Variants in CIT observed in about 807,000 individuals in gnomAD.
CIT encodes the protein citron Rho-interacting kinase.
A neutral mutation model predicts 272.7 loss-of-function variants in CIT; 79 were observed. The ratio of observed to expected loss-of-function variants is 0.29; its 90% CI spans 0.24 to 0.35. The LOEUF (loss-of-function observed/expected upper bound fraction) is 0.35. CIT is among the 10% of genes least tolerant of loss of function. CIT has a pLI of 1.00. For synonymous variants in CIT, 948 were observed against 995.6 expected (o/e 0.95, Z 0.90); for missense variants, 1,909 against 2,618.3 (o/e 0.73, Z 5.91).
chr12:119,810,198 A>C lies in CIT; in HGVS notation c.1112-6809T>G, dbSNP rs186104419. Among the ~76,000 whole-genome samples, 5 of 152,130 alleles carry C rather than the reference A, an allele frequency of 3.3e-5. No homozygotes were observed. The East Asian group carries it at 9.7e-4, about 29-fold the overall frequency. ...AGAGGGGACATTCTTGGGGACTGAGACCTCCACCTGTGGGATTGAGCCCTA... is the reference window on the plus strand; with the variant it reads ...AGAGGGGACATTCTTGGGGACTGAGCCCTCCACCTGTGGGATTGAGCCCTA... On this transcript the variant is annotated intron_variant, in intron 9 of 47. Transcript: ENST00000392521.
chr12:119,784,421 A>G lies in CIT; in HGVS notation c.1402-370T>C. 8.2e-7 allele frequency: 1 copy of G among 1,217,716 alleles called. No individual in the cohort carries two copies. The highest frequency in any genetic ancestry group is 1.0e-6 in the Non-Finnish European group (1 of 960,330). 75.4% of individuals were successfully genotyped at this position (1,217,716 alleles called of 1,614,324 possible). ...TTGATCCCCCCCCATCTCCTTGCAA[A>G]GATCTAGAGGACAAATCCAGGACAG... is the stretch of plus-strand genomic sequence containing the variant. On this transcript the variant is annotated intron_variant, in intron 11 of 47. Transcript: ENST00000392521. The surrounding 1 kb of genome is among the most constrained non-coding windows in gnomAD (Gnocchi z 4.7).
chr12:119,730,985 G>A (rs1207228290), intron 26 of CIT, among the ~76,000 whole-genome samples: 4 of 151,614 alleles, frequency 2.6e-5, no homozygotes, highest in African/African-American at 9.7e-5. Flanking sequence ...AAATTAGCTG[G>A]GTGTGGTGGC....
Position 119,713,407 on chromosome 12 carries a change from A to C in CIT, c.4487+61T>G. On this transcript the variant is annotated intron_variant, in intron 34 of 47. Transcript: ENST00000392521. This position sits in a 1 kb window ranked among gnomAD's most constrained non-coding sequence, Gnocchi z 5.2. ...TAGAAAAGACACTTCCCTAGAAAAC[A>C]TCAGGGACAGAGTGGCTTGTGCCAG... is the stretch of plus-strand genomic sequence containing the variant. 1 of 1,594,748 alleles carries C rather than the reference A, an allele frequency of 6.3e-7. No homozygotes were observed. The highest frequency in any genetic ancestry group is 8.6e-7 in the Non-Finnish European group (1 of 1,165,444).
Position 119,859,511 on chromosome 12 carries a change from GT to G in CIT, c.239-1814del, listed in dbSNP as rs767222425. 7.4e-5 allele frequency among the ~76,000 whole-genome samples: 11 copies of G among 149,392 alleles called. No individual in the cohort carries two copies. In the East Asian group the frequency reaches 9.8e-4, roughly 13 times the overall value. On this transcript the variant is annotated intron_variant, in intron 3 of 47. Transcript: ENST00000392521. ...CAATGTCATTTTTTTCATTTTCTTA[GT>G]TTTTTTTTTAAGAGACACAAATGGC... is the stretch of plus-strand genomic sequence containing the variant.
intron 13 of CIT, among the ~76,000 whole-genome samples, chr12:119,777,686 A>AC (rs397742592): frequency 2.0e-5 from 3 of 150,116 alleles, no homozygotes; most frequent in East Asian, 3.9e-4. Context: ...ACAAAAAAAA[A>AC]CAAAAAAAAA....
intron 9 of CIT, among the ~76,000 whole-genome samples, chr12:119,812,121 T>C (rs1034619101): frequency 2.0e-5 from 3 of 151,934 alleles, no homozygotes; most frequent in African/African-American, 7.3e-5. Flanking sequence ...ACTTTTTTTG[T>C]ATTTTTAGTA....
At chr12:119,731,475 CAAAA>C (rs34429031) in intron 26 of CIT, among the ~76,000 whole-genome samples, 3 of 108,034 alleles carry the variant, frequency 2.8e-5, no homozygotes, top group Admixed American at 9.4e-5. Flanking sequence ...ACTCCATTCT[CAAAA>C]AAAAAAAAAA....
At chr12:119,752,923 C>T (rs993429033) in intron 22 of CIT, among the ~76,000 whole-genome samples, 12 of 152,128 alleles carry the variant, frequency 7.9e-5, no homozygotes, top group African/African-American at 1.4e-4. Context: ...TCAAGTGCAA[C>T]GGTCAGGACA....
At chr12:119,858,738 C>T (rs984908536) in intron 3 of CIT, among the ~76,000 whole-genome samples, 165 of 151,698 alleles carry the variant, frequency 1.1e-3, no homozygotes, top group African/African-American at 3.9e-3. Context: ...AGGAGAATGG[C>T]GTGAACCTGG....
intron 30 of CIT, chr12:119,719,086 T>A: frequency 2.0e-6 from 1 of 503,040 alleles, no homozygotes; most frequent in Non-Finnish European, 3.6e-6. Flanking sequence ...CCAAGAGGAT[T>A]AAAGATGCTT....
At chr12:119,859,224 T>C (rs1950261478) in intron 3 of CIT, among the ~76,000 whole-genome samples, 1 of 152,090 alleles carries the variant, frequency 6.6e-6, no homozygotes, top group Non-Finnish European at 1.5e-5. Flanking sequence ...ATGCTTATAA[T>C]CAAAATTATC....
chr12:119,776,329 A>G (rs1209492784), intron 15 of CIT, 29 bp downstream of exon 15: 1 of 1,593,726 alleles, frequency 6.3e-7, no homozygotes, highest in Admixed American at 1.7e-5. Flanking sequence ...CCAAAATATT[A>G]ATAGCAAAAC....
chr12:119,819,227 T>C (rs865901582), intron 9 of CIT, among the ~76,000 whole-genome samples: 5 of 152,230 alleles, frequency 3.3e-5, no homozygotes, highest in Admixed American at 1.3e-4. Flanking sequence ...AATGAGAGCC[T>C]GGTGACCCAT....
At chr12:119,714,086 G>C (rs184584571) in intron 33 of CIT, 111 bp downstream of exon 33, 35 of 1,285,682 alleles carry the variant, frequency 2.7e-5, no homozygotes, top group Middle Eastern at 2.3e-4. Context: ...TAAGAAGCTC[G>C]AAAATGAATG....
In CIT at chr12:119,701,987, G is replaced by A. The variant is rs747826680; in HGVS notation, c.5305-29C>T. On this transcript the variant is annotated intron_variant, in intron 41 of 47. Transcript: ENST00000392521. ...AGACATGAGAGCAGAAGAGAAGGATGTGAGAGGTAACACAGGGCAGCCAAG... is the reference window on the plus strand; with the variant it reads ...AGACATGAGAGCAGAAGAGAAGGATATGAGAGGTAACACAGGGCAGCCAAG... 2.6e-6 allele frequency: 4 copies of A among 1,563,008 alleles called. No individual in the cohort carries two copies. In the Admixed American group the frequency reaches 6.7e-5, roughly 26 times the overall value.
intron 4 of CIT, among the ~76,000 whole-genome samples, chr12:119,851,103 G>C (rs1970197030): frequency 6.6e-6 from 1 of 152,154 alleles, no homozygotes; most frequent in Non-Finnish European, 1.5e-5. Flanking sequence ...TATTTTTGTA[G>C]AGACAGAGTC....
chr12:119,806,244 C>A (rs1482377939), intron 9 of CIT, among the ~76,000 whole-genome samples: 1 of 151,292 alleles, frequency 6.6e-6, no homozygotes, highest in Non-Finnish European at 1.5e-5. Context: ...GGATATAAAC[C>A]TCTAGACAGC....
intron 7 of CIT, among the ~76,000 whole-genome samples, chr12:119,828,571 A>AT (rs767267101): frequency 1.2e-3 from 181 of 144,904 alleles, no homozygotes; most frequent in Non-Finnish European, 1.3e-3. Context: ...AACTTAGTTA[A>AT]TTTTTTTTTT....
At chr12:119,782,772 A>T in intron 12 of CIT, 135 bp from the exon 13 acceptor site, 1 of 1,125,918 alleles carries the variant, frequency 8.9e-7, no homozygotes, top group Non-Finnish European at 1.2e-6. Context: ...CACAACTTCC[A>T]GTTGGTTGCC....
Sources: gnomAD v4.1 joint callset for allele counts (sites outside exome capture counted in the v4.1 genomes callset) on GRCh38, gnomAD v4.1.1 for gene constraint, Gnocchi (gnomAD v3.1) non-coding constraint, MANE v1.5 for transcripts, NCBI Gene and HGNC (gene_info 2026-07-23, HGNC 2026-07-21) for gene names.